Variants in PIK3C2B observed in about 807,000 individuals in gnomAD.
PIK3C2B encodes phosphatidylinositol 4-phosphate 3-kinase C2 domain-containing subunit beta.
Under a neutral mutation model 184.3 loss-of-function variants are expected in PIK3C2B, and 83 were observed. The observed-to-expected ratio is 0.45, with a 90% CI of 0.38 to 0.54. The LOEUF (loss-of-function observed/expected upper bound fraction) is 0.54. PIK3C2B is among the 20% of genes least tolerant of loss of function. The pLI is 0.00. For missense variants in PIK3C2B, 1,736 were observed against 2,113.5 expected (o/e 0.82, Z 3.50); for synonymous variants, 779 against 837.6 (o/e 0.93, Z 1.21).
chr1:204,432,774 G>T (rs929275757), intron 26 of PIK3C2B, among the ~76,000 whole-genome samples: 6 of 152,146 alleles, frequency 3.9e-5, no homozygotes, highest in Non-Finnish European at 2.9e-5. Context: ...CAGCGGGAGA[G>T]GTCCTGTGTT....
Position 204,431,767 on chromosome 1 carries a change from C to A in PIK3C2B, c.4182G>T (p.Glu1394Asp). Residue 1394 changes from glutamate to aspartate, a missense_variant, in exon 28 of 33, where the codon GAG becomes GAT. By Grantham distance (45) the Glu-to-Asp change is conservative. This residue lies in a region of PIK3C2B where 200 missense variants were observed against 199.1 expected (regional missense o/e 1.00). Transcript: ENST00000684373. Reference sequence around the variant, plus strand: ...GGATGTAGGTGGCCTCGTGAGTGTTCTCTCGCATCACCTTTACCACATATA... The same window carrying A: ...GGATGTAGGTGGCCTCGTGAGTGTTATCTCGCATCACCTTTACCACATATA... ...GYIYVVKVMRENTHEATYIQR... is the reference protein window; with the variant it reads ...GYIYVVKVMRDNTHEATYIQR... The A allele has an allele frequency of 2.5e-6, 4 of 1,614,192 alleles. No homozygotes were observed. Among genetic ancestry groups the A allele is most frequent in the Non-Finnish European group, 3.4e-6 (4 of 1,180,022 alleles).
chr1:204,482,773 AAAG>A (rs1657275515), intron 1 of PIK3C2B, among the ~76,000 whole-genome samples: 1 of 152,068 alleles, frequency 6.6e-6, no homozygotes, highest in African/African-American at 2.4e-5. Flanking sequence ...CAAAAAAAAA[AAAG>A]AACTGAGAAA....
intron 21 of PIK3C2B, among the ~76,000 whole-genome samples, chr1:204,440,914 A>G (rs1348854570): frequency 6.6e-6 from 1 of 152,144 alleles, no homozygotes; most frequent in Non-Finnish European, 1.5e-5. Context: ...CACCCAGGCC[A>G]TCAGGCCTTT....
In PIK3C2B at chr1:204,424,617, C is replaced by T. The variant is rs763655009; in HGVS notation, c.*235G>A. 1 of 684,526 alleles carries T rather than the reference C, an allele frequency of 1.5e-6. No homozygotes were observed. Among genetic ancestry groups the T allele is most frequent in the South Asian group, 1.4e-5 (1 of 73,020 alleles). 42.4% of individuals were successfully genotyped at this position (684,526 alleles called of 1,614,324 possible). The stretch of plus-strand genomic sequence containing the variant: ...TAAACTTAAAACTTTGCTGCAACCT[C>T]ACAGCCTCCAAGGGGCTGCTCATCA... On this transcript the variant is annotated 3_prime_UTR_variant, in exon 33 of 33. Transcript: ENST00000684373.
chr1:204,429,934 G>T lies in PIK3C2B; in HGVS notation c.4385C>A (p.Pro1462His). 1.2e-6 allele frequency: 2 copies of T among 1,609,620 alleles called. No homozygotes were observed. Among genetic ancestry groups the T allele is most frequent in the South Asian group, 2.2e-5 (2 of 91,008 alleles). ...AAGCCCACCCACCTCGGCCACCTCA[G>T]GGGGTGCGTGGATCAAGTGCCAGAT... ...GYIWHLIHAP[P>H]EVAECDLVYT... is the part of the protein sequence containing the mutation. Residue 1462 changes from proline (P) to histidine (H), a missense_variant, in exon 29 of 33, where the codon CCT becomes CAT. Physicochemically the swap from Pro to His is moderately conservative, Grantham distance 77 (BLOSUM62 -2). Around this residue, in one of 8 missense-constraint regions of PIK3C2B, gnomAD observed 200 missense variants for 199.1 expected, o/e 1.00. Transcript: ENST00000684373.
intron 18 of PIK3C2B, among the ~76,000 whole-genome samples, chr1:204,443,865 G>A (rs1432891520): frequency 6.6e-6 from 1 of 152,172 alleles, no homozygotes; most frequent in African/African-American, 2.4e-5. Context: ...GGGTAGAGGA[G>A]AGACAGGATA....
intron 1 of PIK3C2B, among the ~76,000 whole-genome samples, chr1:204,470,782 T>C (rs1398417232): frequency 3.9e-5 from 6 of 152,208 alleles, no homozygotes; most frequent in African/African-American, 9.6e-5. Context: ...GTCTATACAA[T>C]TGAATACTAC....
At chr1:204,478,896 A>G (rs1483391799) in intron 1 of PIK3C2B, among the ~76,000 whole-genome samples, 1 of 152,234 alleles carries the variant, frequency 6.6e-6, no homozygotes, top group Non-Finnish European at 1.5e-5. Context: ...GTCTGCATGC[A>G]CTGCTGACTC....
intron 21 of PIK3C2B, among the ~76,000 whole-genome samples, chr1:204,440,993 C>T (rs1389776772): frequency 6.6e-6 from 1 of 152,206 alleles, no homozygotes; most frequent in East Asian, 1.9e-4. Context: ...TACTAAGTCA[C>T]ATGCATGTAT....
chr1:204,444,238 T>G, intron 17 of PIK3C2B, 76 bp from the exon 18 acceptor site: 1 of 1,420,754 alleles, frequency 7.0e-7, no homozygotes, highest in Non-Finnish European at 1.0e-6. Context: ...ATTATTGCAC[T>G]GGGATCTCTG....
intron 1 of PIK3C2B, among the ~76,000 whole-genome samples, chr1:204,478,471 TC>T (rs1209886311): frequency 6.6e-6 from 1 of 152,204 alleles, no homozygotes; most frequent in African/African-American, 2.4e-5. Context: ...GATCCCTGCT[TC>T]CTTATGGAAA....
chr1:204,470,851 A>G (rs1175102208), intron 1 of PIK3C2B, among the ~76,000 whole-genome samples: 1 of 152,264 alleles, frequency 6.6e-6, no homozygotes, highest in Admixed American at 6.5e-5. Flanking sequence ...ATCTTAAAAT[A>G]GCTTTGCTGA....
chr1:204,448,299 G>A (rs1436695853), intron 14 of PIK3C2B, among the ~76,000 whole-genome samples: 1 of 151,680 alleles, frequency 6.6e-6, no homozygotes, highest in Non-Finnish European at 1.5e-5. Context: ...ATTTCTAGTA[G>A]AGACAGGGTA....
chr1:204,429,930 C>T lies in PIK3C2B; in HGVS notation c.4389G>A (p.Glu1463=). 1.2e-6 allele frequency: 2 copies of T among 1,609,102 alleles called. No individual in the cohort carries two copies. Among genetic ancestry groups the T allele is most frequent in the Non-Finnish European group, 1.7e-6 (2 of 1,176,660 alleles). The part of the protein sequence containing the change: ...YIWHLIHAPP[E]VAECDLVYTF... ...AGGCAAGCCCACCCACCTCGGCCAC[C>T]TCAGGGGGTGCGTGGATCAAGTGCC... Residue 1463 remains glutamate (E), a synonymous_variant, in exon 29 of 33, where the codon GAG becomes GAA. Coordinates refer to ENST00000684373, the MANE Select transcript of PIK3C2B (RefSeq NM_001377334.1).
chr1:204,473,541 A>G (rs1485480164), intron 1 of PIK3C2B, among the ~76,000 whole-genome samples: 1 of 152,236 alleles, frequency 6.6e-6, no homozygotes, highest in Non-Finnish European at 1.5e-5. Flanking sequence ...GATAGGAGAT[A>G]CCAGATAAAT....
chr1:204,482,168 T>C (rs555575921), intron 1 of PIK3C2B, among the ~76,000 whole-genome samples: 1 of 148,980 alleles, frequency 6.7e-6, no homozygotes, highest in East Asian at 2.0e-4. Flanking sequence ...GGCCTCCCCC[T>C]GGTCTCTGCT....
intron 1 of PIK3C2B, among the ~76,000 whole-genome samples, chr1:204,478,301 C>T (rs1656871732): frequency 6.6e-6 from 1 of 152,160 alleles, no homozygotes; most frequent in South Asian, 2.1e-4. Flanking sequence ...CCCTGCCTCG[C>T]ATCTCACTCC....
chr1:204,482,208 G>A (rs1462508934), intron 1 of PIK3C2B, among the ~76,000 whole-genome samples: 3 of 151,306 alleles, frequency 2.0e-5, no homozygotes, highest in Admixed American at 6.6e-5. Context: ...TGCCCCTCTA[G>A]AGTACAGTCC....
chr1:204,485,199 C>T lies in PIK3C2B; in HGVS notation c.-85+9157G>A, dbSNP rs149410808. Reference sequence around the variant, plus strand: ...AAGTGGCTGGAATTACAGGGGTAAGCCACTGCACCCAGCTATCTCTCCCGT... The same window carrying T: ...AAGTGGCTGGAATTACAGGGGTAAGTCACTGCACCCAGCTATCTCTCCCGT... On this transcript the variant is annotated intron_variant, in intron 1 of 32. Transcript: ENST00000684373. 6.3e-3 allele frequency among the ~76,000 whole-genome samples: 966 copies of T among 152,192 alleles called. 9 individuals carry two copies. The highest frequency in any genetic ancestry group is 0.022 in the African/African-American group (910 of 41,510).
Sources: gnomAD v4.1 joint callset for allele counts (sites outside exome capture counted in the v4.1 genomes callset) on GRCh38, gnomAD v4.1.1 for gene constraint, gnomAD v4.1.1 regional missense constraint, MANE v1.5 for transcripts, NCBI Gene and HGNC (gene_info 2026-07-23, HGNC 2026-07-21) for gene names.